Variants in CCDC57 observed in about 807,000 individuals in gnomAD.
CCDC57 encodes coiled-coil domain-containing protein 57.
A neutral mutation model predicts 118.9 loss-of-function variants in CCDC57; 118 were observed. That is an observed-to-expected ratio of 0.99 (90% CI 0.86 to 1.16). The LOEUF is 1.16. Among genes scored for constraint, CCDC57 ranks in the 50% most tolerant of loss-of-function variants. The pLI, the probability that CCDC57 is intolerant of heterozygous loss-of-function variation, is 0.00. For synonymous variants in CCDC57, 527 were observed against 532.9 expected (o/e 0.99, Z 0.15); for missense variants, 1,300 against 1,320.7 (o/e 0.98, Z 0.24).
At chr17:82,162,006 A>AT (rs11306895) in intron 14 of CCDC57, among the ~76,000 whole-genome samples, 3 of 150,362 alleles carry the variant, frequency 2.0e-5, no homozygotes, top group Non-Finnish European at 4.4e-5. Flanking sequence ...AATTAAAAAA[A>AT]TTTTTTTTTT....
At chr17:82,204,752 C>T (rs1372242450) in intron 2 of CCDC57, among the ~76,000 whole-genome samples, 3 of 151,992 alleles carry the variant, frequency 2.0e-5, no homozygotes, top group Admixed American at 6.6e-5. Flanking sequence ...CACTGCAGTC[C>T]GGCCTGGGCA....
intron 7 of CCDC57, among the ~76,000 whole-genome samples, chr17:82,189,139 G>A (rs1233690741): frequency 6.6e-6 from 1 of 151,980 alleles, no homozygotes; most frequent in Admixed American, 6.6e-5. Context: ...ACGGTGGCGG[G>A]TGCCCATAGT....
intron 19 of CCDC57, among the ~76,000 whole-genome samples, chr17:82,108,198 G>A (rs530001914): frequency 1.3e-5 from 2 of 152,350 alleles, no homozygotes; most frequent in South Asian, 2.1e-4. Flanking sequence ...TGGCAGAGAC[G>A]AGTGACCTGC....
intron 16 of CCDC57, among the ~76,000 whole-genome samples, chr17:82,138,780 G>C (rs1044632534): frequency 1.3e-5 from 2 of 152,164 alleles, no homozygotes; most frequent in African/African-American, 2.4e-5. Flanking sequence ...TGTGCTGCAC[G>C]GAGACGTCCC....
chr17:82,147,887 G>T (rs1185681472), intron 16 of CCDC57, among the ~76,000 whole-genome samples: 14 of 86,340 alleles, frequency 1.6e-4, no homozygotes, highest in African/African-American at 6.5e-4. Context: ...TGGGTGGATG[G>T]ATGGATGGAT....
chr17:82,146,430 T>C (rs1286265639), intron 16 of CCDC57, among the ~76,000 whole-genome samples: 1 of 152,044 alleles, frequency 6.6e-6, no homozygotes, highest in African/African-American at 2.4e-5. Flanking sequence ...AGTGCAGTGA[T>C]TATTCACAGG....
intron 14 of CCDC57, 80 bp from the exon 14 acceptor site, chr17:82,158,028 G>A (rs779610549): frequency 3.9e-5 from 58 of 1,478,470 alleles, no homozygotes; most frequent in Non-Finnish European, 5.0e-5. Flanking sequence ...GACAGGAAGC[G>A]CTGTGAGTGC....
At chr17:82,207,096 C>A (rs2049753699) in intron 2 of CCDC57, among the ~76,000 whole-genome samples, 1 of 152,176 alleles carries the variant, frequency 6.6e-6, no homozygotes, top group African/African-American at 2.4e-5. Context: ...GTTGTCCCAG[C>A]ACTTTGGGAG....
At chr17:82,141,177 A>AT (rs56298520) in intron 16 of CCDC57, among the ~76,000 whole-genome samples, 2,156 of 121,396 alleles carry the variant, frequency 0.018, 52 homozygotes, top group African/African-American at 0.05. Context: ...CGCCCGGCTA[A>AT]TTTTTTTTTT....
At chr17:82,193,190 C>T (rs550840639) in intron 7 of CCDC57, among the ~76,000 whole-genome samples, 16 of 152,254 alleles carry the variant, frequency 1.1e-4, no homozygotes, top group African/African-American at 3.9e-4. Flanking sequence ...AGTCCAAGTT[C>T]TACGTTTTAC....
intron 19 of CCDC57, among the ~76,000 whole-genome samples, chr17:82,123,149 G>A (rs1030619714): frequency 8.1e-6 from 1 of 123,536 alleles, no homozygotes; most frequent in Non-Finnish European, 1.6e-5. Flanking sequence ...TTTTTGTAGA[G>A]ACAGGGTCTT....
chr17:82,155,869 G>GA (rs2042612790), intron 15 of CCDC57: 1 of 152,260 alleles, frequency 6.6e-6, no homozygotes, highest in African/African-American at 2.4e-5. Context: ...GAGGAGCCTG[G>GA]AGCCCGACTG....
chr17:82,136,524 C>G (rs1022230347), intron 16 of CCDC57, among the ~76,000 whole-genome samples: 2 of 148,854 alleles, frequency 1.3e-5, no homozygotes, highest in Admixed American at 6.8e-5. Context: ...ATGCACTGAA[C>G]TGTATACTTT....
intron 15 of CCDC57, chr17:82,156,910 G>A (rs1429013744): frequency 1.3e-5 from 2 of 152,308 alleles, no homozygotes; most frequent in African/African-American, 4.8e-5. Context: ...CGGTGCCCTG[G>A]GGATCCACGC....
At position 82,113,335 on chromosome 17, in the gene CCDC57, C is replaced by T. The variant is rs1598630771; in HGVS notation, c.2900-11469G>A. On this transcript the variant is annotated intron_variant, in intron 19 of 19. Coordinates refer to ENST00000665763, the Ensembl canonical transcript of CCDC57. ...AGTGACAAGGTGCTGTGGGGCTGTG[C>T]ATCCAGCCTCATAAAATGTCACCAG... 4 of 704,636 alleles carry T rather than the reference C, an allele frequency of 5.7e-6. No individual in the cohort carries two copies. In the East Asian group the frequency reaches 1.1e-4, roughly 19 times the overall value. 43.6% of individuals were successfully genotyped at this position (704,636 alleles called of 1,614,324 possible).
chr17:82,131,898 T>C (rs576009012), intron 17 of CCDC57, among the ~76,000 whole-genome samples: 5 of 152,026 alleles, frequency 3.3e-5, no homozygotes, highest in African/African-American at 1.2e-4. Flanking sequence ...GGAGGATCAC[T>C]TGAGTTCAGG....
chr17:82,127,825 C>T (rs1248205625), exon 19 of CCDC57: 32 of 1,610,248 alleles, frequency 2.0e-5, no homozygotes, highest in Non-Finnish European at 2.7e-5. Context: ...CCTCAGGGTG[C>T]TGGGGAGCCT....
At position 82,114,103 on chromosome 17, in the gene CCDC57, G is replaced by A. The variant is rs114034613; in HGVS notation, c.2900-12237C>T. Among the ~76,000 whole-genome samples, 1,037 of 152,316 alleles carry A rather than the reference G, an allele frequency of 6.8e-3. 14 individuals carry two copies. The highest frequency in any genetic ancestry group is 0.023 in the African/African-American group (973 of 41,566). ...GGGTTCCCTCGTCAGTACACAGAGT[G>A]ACGCCACAGATGGAAGAGTGGACTG... is the stretch of plus-strand genomic sequence containing the variant. On this transcript the variant is annotated intron_variant, in intron 19 of 19. Transcript: ENST00000665763.
intron 1 of CCDC57, among the ~76,000 whole-genome samples, chr17:82,211,608 C>T (rs6502088): frequency 0.48 from 72,578 of 149,698 alleles, 18,375 homozygotes; most frequent in East Asian, 0.88. Context: ...AGTGCAATGG[C>T]GCGATCTTGG....
Sources: gnomAD v4.1 joint callset for allele counts (sites outside exome capture counted in the v4.1 genomes callset) on GRCh38, gnomAD v4.1.1 for gene constraint, MANE v1.5 for transcripts, NCBI Gene and HGNC (gene_info 2026-07-23, HGNC 2026-07-21) for gene names.